The following MMP16 variants were observed in gnomAD, a reference collection of about 807,000 sequenced individuals.
The protein encoded by MMP16 is matrix metallopeptidase 16, also known as matrix metalloproteinase-16.
In MMP16, 12 loss-of-function variants were observed where a neutral mutation model predicts 67.8. The ratio of observed to expected loss-of-function variants is 0.18; its 90% CI spans 0.11 to 0.29. MMP16 has a LOEUF of 0.29. Among genes scored for constraint, MMP16 ranks in the 10% least tolerant of loss-of-function variants. The probability of loss-of-function intolerance (pLI) is 1.00; values close to 1 mark genes in which losing one functional copy is unlikely to be tolerated. For synonymous variants in MMP16, 249 were observed against 255.9 expected, an observed-to-expected ratio of 0.97 and a Z score of 0.26; for missense variants, 475 against 765.7, an observed-to-expected ratio of 0.62 and a Z score of 4.48.
At chr8:88,066,595 CT>C (rs1303778632) in intron 7 of MMP16, among the ~76,000 whole-genome samples, 5 of 152,062 alleles carry the variant, frequency 3.3e-5, no homozygotes, top group African/African-American at 1.2e-4. Context: ...AAATGGCTGA[CT>C]TTCAGTAAGA....
In MMP16 at chr8:88,127,465, A is replaced by G. The variant is rs1807954583; in HGVS notation, c.710-8604T>C. Among the ~76,000 whole-genome samples the G allele has an allele frequency of 2.0e-5, 3 of 151,844 alleles. No homozygotes were observed. The South Asian group carries it at 6.2e-4, about 31-fold the overall frequency. ...GAAATGAGCAATGGAAGTATGTGAG[A>G]GTGATATAATGATTTGAAATCATTT... On this transcript the variant is annotated intron_variant, in intron 4 of 9. Transcript: ENST00000286614.
chr8:88,230,535 CTTTTTTTTTT>C (rs3060800), intron 1 of MMP16, among the ~76,000 whole-genome samples: 3 of 142,510 alleles, frequency 2.1e-5, no homozygotes, highest in African/African-American at 7.7e-5. Context: ...GATCAATTTT[CTTTTTTTTTT>C]TTTTTTTAGT....
At chr8:88,218,050 A>G (rs1300794167) in intron 1 of MMP16, among the ~76,000 whole-genome samples, 1 of 151,970 alleles carries the variant, frequency 6.6e-6, no homozygotes, top group Non-Finnish European at 1.5e-5. Flanking sequence ...CTGGTCCACT[A>G]TATTAGGCAA....
rs1268890499 is a variant in MMP16, at chr8:88,149,662, A to G, written c.709+18007T>C. ...TGCAGCTGAGGGTGCTGTCTGTTAGAAGGAAAACTAACAAACAGAAAGGAC... is the reference window on the plus strand; with the variant it reads ...TGCAGCTGAGGGTGCTGTCTGTTAGGAGGAAAACTAACAAACAGAAAGGAC... On this transcript the variant is annotated intron_variant, in intron 4 of 9. Coordinates refer to ENST00000286614, the MANE Select transcript of MMP16 (RefSeq NM_005941.5). 2.0e-5 allele frequency among the ~76,000 whole-genome samples: 3 copies of G among 151,212 alleles called. No homozygotes were observed. In the East Asian group the frequency reaches 5.9e-4, roughly 30 times the overall value.
chr8:88,157,259 T>C (rs1217423111), intron 4 of MMP16, among the ~76,000 whole-genome samples: 1 of 152,074 alleles, frequency 6.6e-6, no homozygotes, highest in African/African-American at 2.4e-5. Flanking sequence ...CTCTAAAAAA[T>C]TACAGTATAA....
At chr8:88,195,512 A>G (rs1042454845) in intron 2 of MMP16, among the ~76,000 whole-genome samples, 10 of 152,220 alleles carry the variant, frequency 6.6e-5, no homozygotes, top group African/African-American at 2.4e-4. Context: ...TGCTGTGATG[A>G]GGAGTACAAT....
chr8:88,065,379 T>C (rs1308767720), intron 7 of MMP16, among the ~76,000 whole-genome samples: 2 of 152,124 alleles, frequency 1.3e-5, no homozygotes, highest in African/African-American at 4.8e-5. Context: ...AACTATACTA[T>C]GGAGTTTTTG....
chr8:88,239,317 A>AG (rs1809997729), intron 1 of MMP16, among the ~76,000 whole-genome samples: 2 of 146,272 alleles, frequency 1.4e-5, no homozygotes, highest in Non-Finnish European at 3.0e-5. Context: ...AAAAAAAAGA[A>AG]AATTTCAAAA....
chr8:88,160,168 G>A (rs964527071), intron 4 of MMP16, among the ~76,000 whole-genome samples: 21 of 151,690 alleles, frequency 1.4e-4, no homozygotes, highest in Admixed American at 3.3e-4. Flanking sequence ...TCCCCTTCCT[G>A]TGTACATGTG....
intron 6 of MMP16, among the ~76,000 whole-genome samples, chr8:88,103,225 T>C (rs574024008): frequency 2.0e-5 from 3 of 151,942 alleles, no homozygotes; most frequent in East Asian, 2.0e-4. Flanking sequence ...CCGATATATG[T>C]GGTCCTCCTA....
At chr8:88,254,201 A>T (rs1810268462) in intron 1 of MMP16, among the ~76,000 whole-genome samples, 1 of 152,144 alleles carries the variant, frequency 6.6e-6, no homozygotes, top group African/African-American at 2.4e-5. Flanking sequence ...TAGAAAATGA[A>T]TGCAGGAACA....
At chr8:88,193,904 T>A (rs1200866546) in intron 2 of MMP16, among the ~76,000 whole-genome samples, 1 of 151,888 alleles carries the variant, frequency 6.6e-6, no homozygotes, top group Non-Finnish European at 1.5e-5. Flanking sequence ...GTAAAATATA[T>A]ATATTTTATG....
At chr8:88,069,423 C>T (rs370858018) in intron 7 of MMP16, 56 of 528,732 alleles carry the variant, frequency 1.1e-4, no homozygotes, top group Non-Finnish European at 1.9e-4. Context: ...TTCAGTTTGT[C>T]TTGAGAGCAC....
rs1457832486 is a variant in MMP16 at position 88,058,183 on chromosome 8, T to C, written c.1223-1905A>G. Among the ~76,000 whole-genome samples the C allele has an allele frequency of 6.6e-6, 1 of 152,074 alleles. No homozygotes were observed. The highest frequency in any genetic ancestry group is 1.5e-5 in the Non-Finnish European group (1 of 68,022). On this transcript the variant is annotated intron_variant, in intron 7 of 9. Transcript: ENST00000286614. The surrounding 1 kb of genome is among the most constrained non-coding windows in gnomAD (Gnocchi z 4.2). ...TTTGTAATAAGCAAGTATAAAATCT[T>C]TGCAAATCAACATAATGAGTTGGAA...
chr8:88,046,947 C>G (rs1430939370), intron 8 of MMP16, among the ~76,000 whole-genome samples, 163 bp from the exon 9 acceptor site: 1 of 152,100 alleles, frequency 6.6e-6, no homozygotes, highest in Non-Finnish European at 1.5e-5. Flanking sequence ...CTGGCAAGCT[C>G]TTATTTAAAT....
At chr8:88,237,679 A>AAT in intron 1 of MMP16, among the ~76,000 whole-genome samples, 1 of 9,034 alleles carries the variant, frequency 1.1e-4, no homozygotes, top group African/African-American at 1.2e-4. Context: ...CAACAACAAC[A>AAT]ACAAAAAACA....
intron 6 of MMP16, among the ~76,000 whole-genome samples, chr8:88,080,482 G>A (rs1586140067): frequency 6.6e-6 from 1 of 151,912 alleles, no homozygotes; most frequent in Non-Finnish European, 1.5e-5. Context: ...GTTGCCCAGG[G>A]TGGAGTGCAG....
At chr8:88,309,215 C>G (rs1337552885) in intron 1 of MMP16, among the ~76,000 whole-genome samples, 2 of 151,894 alleles carry the variant, frequency 1.3e-5, no homozygotes, top group South Asian at 4.1e-4. Flanking sequence ...ATTATAGAAA[C>G]AACTTTTAAA....
intron 1 of MMP16, among the ~76,000 whole-genome samples, chr8:88,291,248 T>A (rs188973331): frequency 6.6e-6 from 1 of 151,904 alleles, no homozygotes; most frequent in Non-Finnish European, 1.5e-5. Context: ...ATCACTACAC[T>A]CCAGCCTAAG....
Sources: allele counts gnomAD v4.1 joint callset (sites outside exome capture counted in the v4.1 genomes callset), GRCh38; gene constraint gnomAD v4.1.1; non-coding constraint Gnocchi (gnomAD v3.1); transcripts MANE v1.5; gene names NCBI Gene and HGNC (gene_info 2026-07-23, HGNC 2026-07-21).